SEC22A: variants seen among roughly 807,000 people sequenced by gnomAD.
SEC22A encodes vesicle-trafficking protein SEC22a.
SEC22A carries 22 observed loss-of-function variants against 35.3 expected under a neutral mutation model. The observed-to-expected ratio is 0.62, with a 90% CI of 0.45 to 0.89. SEC22A has a LOEUF of 0.89. Among genes scored for constraint, SEC22A ranks in the 40% least tolerant of loss-of-function variants. SEC22A has a pLI of 0.00. For synonymous variants in SEC22A, 119 were observed against 129.5 expected, an observed-to-expected ratio of 0.92 and a Z score of 0.55; for missense variants, 354 against 362.5, an observed-to-expected ratio of 0.98 and a Z score of 0.19.
At chr3:123,228,979 A>T (rs1323640734) in intron 4 of SEC22A, among the ~76,000 whole-genome samples, 1 of 152,208 alleles carries the variant, frequency 6.6e-6, no homozygotes, top group Non-Finnish European at 1.5e-5. Context: ...AGAATGAAGA[A>T]AAATGAATGG....
intron 6 of SEC22A, among the ~76,000 whole-genome samples, chr3:123,262,210 A>G (rs918380567): frequency 6.6e-6 from 1 of 152,180 alleles, no homozygotes; most frequent in Non-Finnish European, 1.5e-5. Flanking sequence ...TTTCTTCAGG[A>G]TGCAGGTGCT....
rs1490385483 is a variant in SEC22A at position 123,272,641 on chromosome 3, G to A, written c.*919G>A. 2 of 152,736 alleles carry A rather than the reference G, an allele frequency of 1.3e-5. No individual in the cohort carries two copies. Among genetic ancestry groups the A allele is most frequent in the African/African-American group, 4.8e-5 (2 of 41,460 alleles). The allele number at this position is 152,736 out of a possible 1,614,324, so 9.5% of individuals were successfully genotyped here. A position where few individuals can be genotyped will look rare whatever the true frequency, so the allele number is the denominator to read the frequency against. The stretch of plus-strand genomic sequence containing the variant: ...AGAAACTAATGCCTAGAAAGGCTCC[G>A]AATCTTAGGCTCTTTCTTTGTGGCA... On this transcript the variant is annotated 3_prime_UTR_variant, in exon 7 of 7. Transcript: ENST00000492595.
At chr3:123,238,315 C>T (rs374420059) in intron 4 of SEC22A, among the ~76,000 whole-genome samples, 28 of 152,268 alleles carry the variant, frequency 1.8e-4, no homozygotes, top group African/African-American at 6.0e-4. Flanking sequence ...TCTTCTGCCT[C>T]AGCCTCCCGA....
chr3:123,234,214 A>G (rs1159045385), intron 4 of SEC22A, among the ~76,000 whole-genome samples: 1 of 152,224 alleles, frequency 6.6e-6, no homozygotes, highest in Non-Finnish European at 1.5e-5. Context: ...ATTAATAGAG[A>G]GATTCAGCAC....
chr3:123,255,231 ATC>A (rs1937700832), intron 5 of SEC22A, among the ~76,000 whole-genome samples: 3 of 152,182 alleles, frequency 2.0e-5, no homozygotes, highest in African/African-American at 7.2e-5. Flanking sequence ...TTCATGACAA[ATC>A]TCTCATCCGT....
chr3:123,266,642 C>T (rs1938032183), intron 6 of SEC22A, among the ~76,000 whole-genome samples: 1 of 152,112 alleles, frequency 6.6e-6, no homozygotes. Flanking sequence ...GATTAGAGAA[C>T]ACACATTGTG....
chr3:123,248,792 A>T (rs1319265863), intron 5 of SEC22A, among the ~76,000 whole-genome samples: 7 of 152,192 alleles, frequency 4.6e-5, no homozygotes, highest in Non-Finnish European at 7.3e-5. Flanking sequence ...TTGCTTCTGT[A>T]CTCTCACGAT....
intron 5 of SEC22A, among the ~76,000 whole-genome samples, chr3:123,257,272 G>T (rs777263458): frequency 2.6e-5 from 4 of 152,084 alleles, no homozygotes; most frequent in African/African-American, 9.7e-5. Flanking sequence ...CTTTGTATTT[G>T]CAAATGTTAT....
In SEC22A at chr3:123,212,158, G is replaced by C. The variant is rs139955089; in HGVS notation, c.182+2759G>C. Among the ~76,000 whole-genome samples the C allele has an allele frequency of 2.5e-3, 388 of 152,298 alleles. 5 individuals carry two copies. The highest frequency in any genetic ancestry group is 8.9e-3 in the African/African-American group (370 of 41,564). On this transcript the variant is annotated intron_variant, in intron 2 of 6. Coordinates refer to ENST00000492595, the MANE Select transcript of SEC22A (RefSeq NM_012430.5). ...CATTCACGTAGATGTGGTTGATATTGTGAGGGGAGAAGTGCCTACTGGGTT... is the reference window on the plus strand; with the variant it reads ...CATTCACGTAGATGTGGTTGATATTCTGAGGGGAGAAGTGCCTACTGGGTT...
chr3:123,230,088 C>T (rs1937292175), intron 4 of SEC22A, among the ~76,000 whole-genome samples: 1 of 151,566 alleles, frequency 6.6e-6, no homozygotes, highest in Non-Finnish European at 1.5e-5. Context: ...TTTGAGGTTG[C>T]AGTGAGGTAG....
chr3:123,209,043 T>G, intron 1 of SEC22A, 156 bp from the exon 2 acceptor site: 1 of 545,664 alleles, frequency 1.8e-6, no homozygotes, highest in Non-Finnish European at 3.3e-6. Context: ...TCCACCCTCC[T>G]CAGCCACCCA....
chr3:123,269,960 G>A (rs764000135), intron 6 of SEC22A, among the ~76,000 whole-genome samples: 1 of 152,018 alleles, frequency 6.6e-6, no homozygotes, highest in Non-Finnish European at 1.5e-5. Flanking sequence ...AGATGGAGGA[G>A]CTGTTACAGA....
At chr3:123,263,379 A>G (rs6796833) in intron 6 of SEC22A, among the ~76,000 whole-genome samples, 36,396 of 152,130 alleles carry the variant, frequency 0.24, 4,726 homozygotes, top group African/African-American at 0.34. Flanking sequence ...CCTCCTACAT[A>G]GTCATTGATT....
At chr3:123,270,073 G>A (rs1342175955) in intron 6 of SEC22A, among the ~76,000 whole-genome samples, 2 of 152,152 alleles carry the variant, frequency 1.3e-5, no homozygotes, top group Non-Finnish European at 2.9e-5. Flanking sequence ...AATAAAGTCT[G>A]TAGATTAGCT....
chr3:123,202,770 C>T (rs1387252902), intron 1 of SEC22A, among the ~76,000 whole-genome samples: 2 of 152,176 alleles, frequency 1.3e-5, no homozygotes, highest in Non-Finnish European at 2.9e-5. Context: ...TCAGCCAAGG[C>T]AAAGCCTAGC....
At chr3:123,239,769 T>G (rs1399719480) in intron 4 of SEC22A, among the ~76,000 whole-genome samples, 2 of 152,088 alleles carry the variant, frequency 1.3e-5, no homozygotes, top group African/African-American at 4.8e-5. Context: ...TTTCTCCCAT[T>G]TTGTAGGTTG....
rs780147604 is a variant in SEC22A at position 123,223,734 on chromosome 3, A to G, written c.346+12A>G. 6.3e-7 allele frequency: 1 copy of G among 1,592,124 alleles called. No individual in the cohort carries two copies. The highest frequency in any genetic ancestry group is 1.1e-5 in the South Asian group (1 of 88,902). ...TTTCATTGAATTTGGTAAGGGCCTGATTTTTTTTTCCTTTTTATTCTGTCT... is the reference window on the plus strand; with the variant it reads ...TTTCATTGAATTTGGTAAGGGCCTGGTTTTTTTTTCCTTTTTATTCTGTCT... On this transcript the variant is annotated intron_variant, in intron 3 of 6. Transcript: ENST00000492595.
intron 2 of SEC22A, among the ~76,000 whole-genome samples, chr3:123,218,299 TAAAAG>T (rs936762793): frequency 6.6e-6 from 1 of 151,928 alleles, no homozygotes; most frequent in African/African-American, 2.4e-5. Context: ...ATTCCTCAGG[TAAAAG>T]AAAAGCAGTA....
chr3:123,246,127 CTA>C, intron 5 of SEC22A, 113 bp downstream of exon 5: 1 of 612,370 alleles, frequency 1.6e-6, no homozygotes, highest in Non-Finnish European at 2.9e-6. Context: ...TACTCAAAAT[CTA>C]TGTTTTTTTA....
Sources: gnomAD v4.1 joint callset for allele counts (sites outside exome capture counted in the v4.1 genomes callset) on GRCh38, gnomAD v4.1.1 for gene constraint, MANE v1.5 for transcripts, NCBI Gene and HGNC (gene_info 2026-07-23, HGNC 2026-07-21) for gene names.